PCDH15: variants seen among roughly 807,000 people sequenced by gnomAD.
The protein encoded by PCDH15 is protocadherin related 15.
Under a neutral mutation model 178.5 loss-of-function variants are expected in PCDH15, and 129 were observed. That is an observed-to-expected ratio of 0.72 (90% CI 0.63 to 0.84). The LOEUF (loss-of-function observed/expected upper bound fraction) is 0.84. Among genes scored for constraint, PCDH15 ranks in the 40% least tolerant of loss-of-function variants. The pLI is 0.00. For synonymous variants in PCDH15, 800 were observed against 732.0 expected (o/e 1.09, Z -1.50); for missense variants, 2,230 against 2,099.9 (o/e 1.06, Z -1.21).
chr10:54,172,134 C>T (rs2046977329), intron 13 of PCDH15, among the ~76,000 whole-genome samples: 1 of 152,146 alleles, frequency 6.6e-6, no homozygotes, highest in African/African-American at 2.4e-5. Context: ...CCTGAAGTAA[C>T]TGAAGAATCA....
chr10:54,632,153 C>T (rs983798557), intron 2 of PCDH15, among the ~76,000 whole-genome samples: 1 of 151,758 alleles, frequency 6.6e-6, no homozygotes, highest in Non-Finnish European at 1.5e-5. Flanking sequence ...AGCTGGAGAC[C>T]ATTATCCTAA....
intron 37 of PCDH15, 38 bp from the exon 38 acceptor site, chr10:53,807,168 ATAAAT>A (rs1276515629): frequency 6.7e-7 from 1 of 1,483,770 alleles, no homozygotes. Context: ...TCACTATCAA[ATAAAT>A]TAAAAAGGCA....
intron 2 of PCDH15, among the ~76,000 whole-genome samples, chr10:54,927,357 T>G (rs539009937): frequency 6.6e-6 from 1 of 152,150 alleles, no homozygotes; most frequent in Non-Finnish European, 1.5e-5. Flanking sequence ...TGTCCAATTA[T>G]GCAATCAATT....
At chr10:53,823,007 C>G (rs529962978) in intron 32 of PCDH15, 1 of 1,614,050 alleles carries the variant, frequency 6.2e-7, no homozygotes, top group Non-Finnish European at 8.5e-7. Context: ...ACTGACTCCA[C>G]AGCCTCTGAA....
intron 3 of PCDH15, among the ~76,000 whole-genome samples, chr10:54,397,361 T>TA (rs1404838873): frequency 1.3e-5 from 2 of 152,050 alleles, no homozygotes; most frequent in African/African-American, 2.4e-5. Context: ...ATTAAACAAT[T>TA]AAATGTGGTC....
At chr10:54,408,815 C>G (rs975018908) in intron 3 of PCDH15, among the ~76,000 whole-genome samples, 1 of 152,118 alleles carries the variant, frequency 6.6e-6, no homozygotes, top group African/African-American at 2.4e-5. Context: ...TGCTGTGGTT[C>G]TGGTGTTAGC....
intron 2 of PCDH15, among the ~76,000 whole-genome samples, chr10:55,440,122 T>C (rs574112415): frequency 1.5e-3 from 230 of 152,158 alleles, no homozygotes; most frequent in African/African-American, 5.0e-3. Context: ...AAATAAATGG[T>C]CAATATCATG....
At chr10:55,346,011 C>CA (rs1174034866) in intron 2 of PCDH15, among the ~76,000 whole-genome samples, 7 of 151,558 alleles carry the variant, frequency 4.6e-5, no homozygotes, top group Admixed American at 1.3e-4. Context: ...AAGACTATTT[C>CA]AAAAAAAACT....
At chr10:55,162,433 G>A (rs191468704) in intron 2 of PCDH15, among the ~76,000 whole-genome samples, 5 of 152,140 alleles carry the variant, frequency 3.3e-5, no homozygotes, top group Admixed American at 6.6e-5. Context: ...TCATTTAACC[G>A]AACAGTAGGG....
intron 3 of PCDH15, among the ~76,000 whole-genome samples, chr10:54,852,197 T>G (rs1953633914): frequency 6.6e-6 from 1 of 152,152 alleles, no homozygotes; most frequent in African/African-American, 2.4e-5. Context: ...GAGATCACAA[T>G]GTATGAATGA....
At chr10:54,102,051 T>A (rs1304175529) in intron 15 of PCDH15, among the ~76,000 whole-genome samples, 1 of 152,180 alleles carries the variant, frequency 6.6e-6, no homozygotes, top group African/African-American at 2.4e-5. Context: ...TAAAGACATA[T>A]GGCAAGTGGA....
intron 2 of PCDH15, among the ~76,000 whole-genome samples, chr10:55,034,076 G>A (rs1246641374): frequency 1.2e-4 from 18 of 144,954 alleles, no homozygotes; most frequent in Admixed American, 1.4e-4. Context: ...AGAACTCTGA[G>A]AAAAAAAAAA....
intron 3 of PCDH15, among the ~76,000 whole-genome samples, chr10:54,420,585 G>A (rs1385818957): frequency 2.6e-5 from 4 of 152,066 alleles, no homozygotes; most frequent in Non-Finnish European, 5.9e-5. Flanking sequence ...GTTGTTTTAA[G>A]GAGAGGAGTG....
intron 2 of PCDH15, among the ~76,000 whole-genome samples, chr10:55,079,041 A>G (rs1841976214): frequency 6.6e-6 from 1 of 151,958 alleles, no homozygotes; most frequent in South Asian, 2.1e-4. Flanking sequence ...ATTCTCTTGT[A>G]TCTCACTGAG....
rs1262278918 is a variant in PCDH15, at chr10:53,961,777, T to C, written c.2984A>G (p.Asn995Ser). The C allele has an allele frequency of 6.2e-7, 1 of 1,608,894 alleles. No homozygotes were observed. The highest frequency in any genetic ancestry group is 1.1e-5 in the South Asian group (1 of 89,946). The change falls in exon 22 of 38, where the codon AAT becomes AGT. Residue 995 changes from asparagine (N) to serine (S), a missense_variant. Transcript: ENST00000644397. ...CTTAAAAATTGTTGTAGGTTCTTCA[T>C]TAAGATTGACTCGTGTTATTACTCT... is the stretch of plus-strand genomic sequence containing the variant. ...SGRVITRVNL[N>S]EEPTTIFKLV...
intron 8 of PCDH15, among the ~76,000 whole-genome samples, chr10:54,247,878 AG>A (rs1482168316): frequency 6.0e-5 from 9 of 149,174 alleles, no homozygotes; most frequent in East Asian, 5.8e-4. Context: ...AAAAAAAAAA[AG>A]AAATATGTAT....
intron 2 of PCDH15, among the ~76,000 whole-genome samples, chr10:55,080,856 C>T (rs1192623224): frequency 6.6e-6 from 1 of 152,110 alleles, no homozygotes; most frequent in Non-Finnish European, 1.5e-5. Context: ...GGTTGCTGCT[C>T]CCAGCCCCAG....
chr10:54,315,146 C>T (rs1285680521), intron 8 of PCDH15, among the ~76,000 whole-genome samples: 1 of 152,158 alleles, frequency 6.6e-6, no homozygotes, highest in South Asian at 2.1e-4. Context: ...AATTTATACT[C>T]CCACCAACAG....
chr10:54,105,933 C>A (rs1234511278), intron 15 of PCDH15, among the ~76,000 whole-genome samples: 1 of 152,116 alleles, frequency 6.6e-6, no homozygotes, highest in Non-Finnish European at 1.5e-5. Flanking sequence ...TATATGCAGA[C>A]AATTGCACAT....
Sources: allele counts gnomAD v4.1 joint callset (sites outside exome capture counted in the v4.1 genomes callset), GRCh38; gene constraint gnomAD v4.1.1; transcripts MANE v1.5; gene names NCBI Gene and HGNC (gene_info 2026-07-23, HGNC 2026-07-21).